Variants in PHF20 observed in about 807,000 individuals in gnomAD.
PHF20 encodes the protein PHD finger protein 20, also known as glioma-expressed antigen 2.
Under a neutral mutation model 113.5 loss-of-function variants are expected in PHF20, and 23 were observed. The observed-to-expected ratio is 0.20, with a 90% CI of 0.15 to 0.29. The LOEUF is 0.29. Ranked by LOEUF, PHF20 falls within the 10% of genes least tolerant of loss-of-function variation. The probability of loss-of-function intolerance (pLI) is 1.00; values close to 1 mark genes in which losing one functional copy is unlikely to be tolerated. For missense variants in PHF20, 943 were observed against 1,219.6 expected, an observed-to-expected ratio of 0.77 and a Z score of 3.38; for synonymous variants, 434 against 457.3, an observed-to-expected ratio of 0.95 and a Z score of 0.65.
At chr20:35,830,058 C>T (rs1488183497) in intron 2 of PHF20, among the ~76,000 whole-genome samples, 6 of 152,108 alleles carry the variant, frequency 3.9e-5, no homozygotes, top group Admixed American at 2.6e-4. Context: ...GGGCTACAGG[C>T]GCATGCCGCC....
chr20:35,836,072 A>G (rs1024502417), intron 2 of PHF20, among the ~76,000 whole-genome samples: 2 of 152,192 alleles, frequency 1.3e-5, no homozygotes, highest in African/African-American at 4.8e-5. Flanking sequence ...GCAGTGGCAC[A>G]ATTATAGTTC....
chr20:35,920,470 A>G, intron 13 of PHF20, among the ~76,000 whole-genome samples: 1 of 152,218 alleles, frequency 6.6e-6, no homozygotes, highest in Middle Eastern at 3.2e-3. Flanking sequence ...CACCTCTAAC[A>G]AGGCGATCTC....
At chr20:35,929,976 A>G (rs1393241255) in intron 14 of PHF20, among the ~76,000 whole-genome samples, 1 of 152,260 alleles carries the variant, frequency 6.6e-6, no homozygotes, top group Non-Finnish European at 1.5e-5. Context: ...GTTTTTATAG[A>G]TATTGACAGT....
chr20:35,829,363 T>C (rs1269059169), intron 2 of PHF20, among the ~76,000 whole-genome samples: 1 of 152,194 alleles, frequency 6.6e-6, no homozygotes, highest in Non-Finnish European at 1.5e-5. Context: ...CTTTTTTCTT[T>C]TTTTCTTGGT....
intron 13 of PHF20, among the ~76,000 whole-genome samples, chr20:35,919,761 T>C (rs2055476801): frequency 6.6e-6 from 1 of 152,218 alleles, no homozygotes; most frequent in Admixed American, 6.5e-5. Context: ...GATGAGTAGA[T>C]GTATTTGCTT....
At chr20:35,786,304 T>A (rs1418947901) in intron 1 of PHF20, among the ~76,000 whole-genome samples, 1 of 152,018 alleles carries the variant, frequency 6.6e-6, no homozygotes, top group South Asian at 2.1e-4. Flanking sequence ...GGCAGGAGAA[T>A]CGCTTGAACT....
In PHF20 at chr20:35,787,480, ATTTT is replaced by A. The variant is rs2041446526; in HGVS notation, c.-32-14007_-32-14004del. ...AGGCGTGAGCCACCGCGCCCAGCCT[ATTTT>A]TTTATTTTTATTTTTACTTTTTGAG... On this transcript the variant is annotated intron_variant, in intron 1 of 17. Transcript: ENST00000374012. Among the ~76,000 whole-genome samples the A allele has an allele frequency of 4.7e-5, 7 of 149,966 alleles. No homozygotes were observed. The Admixed American group carries it at 4.7e-4, about 10-fold the overall frequency.
In PHF20 at chr20:35,940,971, T is replaced by C; in HGVS notation, c.2820T>C (p.Phe940=). The change falls in exon 17 of 18, where the codon TTT becomes TTC. Residue 940 remains phenylalanine, a synonymous_variant. Coordinates refer to ENST00000374012, the MANE Select transcript of PHF20 (RefSeq NM_016436.5). The stretch of plus-strand genomic sequence containing the variant: ...TGAGCTCCCAGCACCAGTGGCAGTT[T>C]AACCTGCTGACCCATGTGGAATCTC... ...GLLSSQHQWQ[F]NLLTHVESLQ... is the part of the protein sequence containing the mutation. 6.2e-7 allele frequency: 1 copy of C among 1,614,174 alleles called. No individual in the cohort carries two copies. The highest frequency in any genetic ancestry group is 8.5e-7 in the Non-Finnish European group (1 of 1,180,010).
chr20:35,805,141 C>T (rs1196076115), intron 2 of PHF20, among the ~76,000 whole-genome samples: 3 of 151,610 alleles, frequency 2.0e-5, no homozygotes, highest in Non-Finnish European at 4.4e-5. Flanking sequence ...TGGCCTCAGG[C>T]GATCTGCCCA....
intron 6 of PHF20, among the ~76,000 whole-genome samples, chr20:35,869,113 C>A (rs1207156831): frequency 6.6e-6 from 1 of 151,750 alleles, no homozygotes; most frequent in Non-Finnish European, 1.5e-5. Flanking sequence ...TCCACAAATT[C>A]TCTTGGACAT....
intron 9 of PHF20, among the ~76,000 whole-genome samples, chr20:35,872,550 C>T (rs1403439440): frequency 2.6e-5 from 4 of 152,112 alleles, no homozygotes; most frequent in Non-Finnish European, 2.9e-5. Context: ...TGAAATTATA[C>T]ATTTCCCACT....
intron 10 of PHF20, among the ~76,000 whole-genome samples, chr20:35,911,159 G>T (rs2055293631): frequency 6.6e-6 from 1 of 152,114 alleles, no homozygotes; most frequent in Admixed American, 6.5e-5. Flanking sequence ...TCCTGCCTCA[G>T]CCTCCCCAGT....
At chr20:35,877,185 G>A (rs914985485) in intron 9 of PHF20, among the ~76,000 whole-genome samples, 1 of 147,754 alleles carries the variant, frequency 6.8e-6, no homozygotes, top group African/African-American at 2.5e-5. Context: ...GGATACTTGG[G>A]AGGCTGAGGC....
intron 1 of PHF20, among the ~76,000 whole-genome samples, chr20:35,796,448 T>G (rs1044126425): frequency 3.9e-5 from 6 of 152,286 alleles, no homozygotes; most frequent in Admixed American, 2.6e-4. Flanking sequence ...ATTCTTCAGC[T>G]TGAAATGGCT....
At chr20:35,793,307 T>C (rs1003108670) in intron 1 of PHF20, among the ~76,000 whole-genome samples, 12 of 151,548 alleles carry the variant, frequency 7.9e-5, no homozygotes, top group Middle Eastern at 3.4e-3. Context: ...TTTTCTTTTT[T>C]TTTTTTTTTG....
At chr20:35,847,664 C>A (rs1754329434) in intron 4 of PHF20, among the ~76,000 whole-genome samples, 1 of 152,146 alleles carries the variant, frequency 6.6e-6, no homozygotes, top group African/African-American at 2.4e-5. Context: ...TCATTGTTTT[C>A]TAAAACAGTC....
At chr20:35,904,095 TG>T (rs2055153518) in intron 10 of PHF20, among the ~76,000 whole-genome samples, 1 of 152,002 alleles carries the variant, frequency 6.6e-6, no homozygotes, top group African/African-American at 2.4e-5. Flanking sequence ...GGAGTTCAGT[TG>T]GGGAGACGTT....
chr20:35,814,804 C>T (rs1173490844), intron 2 of PHF20, among the ~76,000 whole-genome samples: 13 of 133,690 alleles, frequency 9.7e-5, no homozygotes, highest in African/African-American at 2.5e-4. Flanking sequence ...ACCCGGGAGG[C>T]GGAGCTTGCA....
chr20:35,847,417 C>T lies in PHF20; in HGVS notation c.323C>T (p.Thr108Ile), dbSNP rs772065808. ...TGTCGTTTTTACCCGGCCAAAGTCA[C>T]TGCTGTTAACAAGGATGGTAAGGCA... ...SDCRFYPAKV[T>I]AVNKDGTYTV... The change falls in exon 4 of 18, where the codon ACT (threonine) becomes ATT (isoleucine). Residue 108 changes from threonine (T) to isoleucine (I), a missense_variant. Transcript: ENST00000374012. 7 of 1,610,284 alleles carry T rather than the reference C, an allele frequency of 4.3e-6. No individual in the cohort carries two copies. Among genetic ancestry groups the T allele is most frequent in the South Asian group, 3.3e-5 (3 of 90,960 alleles).
Sources: gnomAD v4.1 joint callset for allele counts (sites outside exome capture counted in the v4.1 genomes callset) on GRCh38, gnomAD v4.1.1 for gene constraint, MANE v1.5 for transcripts, NCBI Gene and HGNC (gene_info 2026-07-23, HGNC 2026-07-21) for gene names.